The following BICC1 variants were observed in gnomAD, a reference collection of about 807,000 sequenced individuals.
BICC1 encodes protein bicaudal C homolog 1.
A neutral mutation model predicts 111.0 loss-of-function variants in BICC1; 43 were observed. The observed-to-expected ratio is 0.39, with a 90% CI of 0.30 to 0.50. The LOEUF is 0.50. BICC1 is among the 20% of genes least tolerant of loss of function. The pLI is 0.88. For synonymous variants in BICC1, 467 were observed against 434.4 expected (o/e 1.07, Z -0.93); for missense variants, 1,091 against 1,203.2 (o/e 0.91, Z 1.38).
intron 3 of BICC1, among the ~76,000 whole-genome samples, chr10:58,709,262 A>G (rs144218219): frequency 2.6e-5 from 4 of 152,116 alleles, no homozygotes; most frequent in Non-Finnish European, 4.4e-5. Flanking sequence ...TCTGTTCTCT[A>G]CTTCTGTGAG....
intron 3 of BICC1, among the ~76,000 whole-genome samples, chr10:58,713,790 T>C (rs1205123962): frequency 2.0e-5 from 3 of 152,272 alleles, no homozygotes; most frequent in East Asian, 3.8e-4. Context: ...AGAAGTGTGC[T>C]AGACCTCTGT....
chr10:58,679,829 T>C (rs1293180822), intron 2 of BICC1, among the ~76,000 whole-genome samples: 1 of 152,204 alleles, frequency 6.6e-6, no homozygotes, highest in Non-Finnish European at 1.5e-5. Flanking sequence ...ATTAAAAAGC[T>C]TATCCACCAT....
intron 3 of BICC1, among the ~76,000 whole-genome samples, chr10:58,773,415 C>T (rs918367880): frequency 5.3e-5 from 8 of 152,178 alleles, no homozygotes; most frequent in Admixed American, 2.6e-4. Context: ...GAAACTCTAA[C>T]AACGGGGCTG....
rs766552067 is a variant in BICC1 at position 58,817,563 on chromosome 10, G to A, written c.2535G>A (p.Thr845=). The A allele has an allele frequency of 8.1e-6, 13 of 1,613,306 alleles. No individual in the cohort carries two copies. Among genetic ancestry groups the A allele is most frequent in the Admixed American group, 1.7e-5 (1 of 59,970 alleles). ...GSPKRKQNKS[T]EHYLSSSNYM... is the part of the protein sequence containing the mutation. ...GCCTGTCTCTCCTTTGCCTTTCAGCGGAACACTATCTCAGCAGTAGCAATT... is the reference window on the plus strand; with the variant it reads ...GCCTGTCTCTCCTTTGCCTTTCAGCAGAACACTATCTCAGCAGTAGCAATT... Residue 845 remains threonine (T), a splice_region_variant and synonymous_variant, in exon 19 of 21, where the codon ACG becomes ACA. Coordinates refer to ENST00000373886, the MANE Select transcript of BICC1 (RefSeq NM_001080512.3).
At position 58,785,417 on chromosome 10, in the gene BICC1, G is replaced by A. The variant is rs150174837; in HGVS notation, c.387+337G>A. Among the ~76,000 whole-genome samples the A allele has an allele frequency of 3.3e-3, 497 of 152,114 alleles. 9 individuals are homozygous for A. The highest frequency in any genetic ancestry group is 0.011 in the African/African-American group (476 of 41,504). On this transcript the variant is annotated intron_variant, in intron 4 of 20. Coordinates refer to ENST00000373886, the MANE Select transcript of BICC1 (RefSeq NM_001080512.3). The stretch of plus-strand genomic sequence containing the variant: ...AGAAATTGGCCCTGATTAATATAGG[G>A]TAAGTAATAAGGATTGTAGGAATTA...
intron 1 of BICC1, among the ~76,000 whole-genome samples, chr10:58,598,163 ACTT>A (rs934938969): frequency 1.3e-5 from 2 of 151,956 alleles, no homozygotes; most frequent in African/African-American, 4.8e-5. Flanking sequence ...ACAACATAAA[ACTT>A]CATATGGAAC....
intron 3 of BICC1, among the ~76,000 whole-genome samples, chr10:58,770,251 AT>A (rs948261801): frequency 2.0e-5 from 3 of 152,038 alleles, no homozygotes; most frequent in Non-Finnish European, 2.9e-5. Context: ...AGGTTTTAGA[AT>A]TTCTATTGAG....
chr10:58,822,458 TA>T (rs1000785766), intron 20 of BICC1, among the ~76,000 whole-genome samples: 1 of 152,092 alleles, frequency 6.6e-6, no homozygotes, highest in African/African-American at 2.4e-5. Context: ...CTCTCTATTT[TA>T]AAAAAATAAT....
intron 20 of BICC1, among the ~76,000 whole-genome samples, chr10:58,822,899 T>C (rs1844294036): frequency 6.6e-6 from 1 of 152,168 alleles, no homozygotes; most frequent in South Asian, 2.1e-4. Flanking sequence ...AAATTCCTTT[T>C]TAAATTTTGT....
chr10:58,596,474 G>A, intron 1 of BICC1, among the ~76,000 whole-genome samples: 1 of 152,108 alleles, frequency 6.6e-6, no homozygotes, highest in South Asian at 2.1e-4. Context: ...GGGCAAAACT[G>A]GAAGCATTCC....
intron 2 of BICC1, among the ~76,000 whole-genome samples, chr10:58,654,044 A>G (rs1232208604): frequency 2.5e-4 from 37 of 148,586 alleles, no homozygotes; most frequent in African/African-American, 7.9e-4. Context: ...GTATTCCATG[A>G]TGTATATGTG....
At chr10:58,807,781 A>G (rs548642313) in intron 17 of BICC1, among the ~76,000 whole-genome samples, 1 of 152,192 alleles carries the variant, frequency 6.6e-6, no homozygotes, top group African/African-American at 2.4e-5. Context: ...GGCCTTTTCC[A>G]TTTCAAAGTA....
At position 58,789,942 on chromosome 10, in the gene BICC1, A is replaced by G. The variant is rs376748027; in HGVS notation, c.1047+9A>G. ...CAAGGCAATATCTCATGGTAAGGTT[A>G]CTGAAATAAGTGTTACAATTTTTTT... On this transcript the variant is annotated intron_variant, in intron 8 of 20. Coordinates refer to ENST00000373886, the MANE Select transcript of BICC1 (RefSeq NM_001080512.3). The G allele has an allele frequency of 1.2e-6, 2 of 1,613,596 alleles. No individual in the cohort carries two copies. Among genetic ancestry groups the G allele is most frequent in the African/African-American group, 2.7e-5 (2 of 74,886 alleles).
chr10:58,819,286 A>G (rs1337733129), intron 19 of BICC1, among the ~76,000 whole-genome samples: 1 of 152,196 alleles, frequency 6.6e-6, no homozygotes, highest in Non-Finnish European at 1.5e-5. Flanking sequence ...CTGAAAACAT[A>G]TCTTTAGAAC....
chr10:58,814,118 G>A, intron 18 of BICC1, 132 bp downstream of exon 18: 1 of 1,042,214 alleles, frequency 9.6e-7, no homozygotes, highest in Non-Finnish European at 1.5e-6. Context: ...TCTCCTCTGT[G>A]AAGCCTCCTT....
intron 3 of BICC1, among the ~76,000 whole-genome samples, chr10:58,723,286 G>A (rs1408845074): frequency 6.6e-6 from 1 of 152,170 alleles, no homozygotes; most frequent in East Asian, 1.9e-4. Context: ...ACTTTCCTCA[G>A]TCTGTTTGGA....
At chr10:58,800,037 T>C (rs1843489411) in intron 12 of BICC1, among the ~76,000 whole-genome samples, 157 bp from the exon 13 acceptor site, 1 of 152,182 alleles carries the variant, frequency 6.6e-6, no homozygotes, top group Admixed American at 6.5e-5. Flanking sequence ...CAGCAGTGTT[T>C]TGTAGTTCTC....
intron 3 of BICC1, among the ~76,000 whole-genome samples, chr10:58,711,200 A>G (rs920011155): frequency 9.2e-5 from 14 of 152,178 alleles, no homozygotes; most frequent in Non-Finnish European, 1.8e-4. Flanking sequence ...TCACTTGGTG[A>G]ATGCTAATCG....
At chr10:58,525,678 G>A (rs147418171) in intron 1 of BICC1, among the ~76,000 whole-genome samples, 2,107 of 126,370 alleles carry the variant, frequency 0.017, 40 homozygotes, top group African/African-American at 0.052. Flanking sequence ...TAACCTGCAC[G>A]TTGTGTACAT....
Sources: allele counts gnomAD v4.1 joint callset (sites outside exome capture counted in the v4.1 genomes callset), GRCh38; gene constraint gnomAD v4.1.1; transcripts MANE v1.5; gene names NCBI Gene and HGNC (gene_info 2026-07-23, HGNC 2026-07-21).